AK9: variants seen among roughly 807,000 people sequenced by gnomAD.
AK9 encodes adenylate kinase domain containing 1.
AK9 carries 191 observed loss-of-function variants against 239.6 expected under a neutral mutation model. The ratio of observed to expected loss-of-function variants is 0.80; its 90% CI spans 0.71 to 0.90. AK9 has a LOEUF of 0.90. AK9 is among the 40% of genes least tolerant of loss of function. The pLI is 0.00. For synonymous variants in AK9, 689 were observed against 721.0 expected, an observed-to-expected ratio of 0.96 and a Z score of 0.71; for missense variants, 1,995 against 2,214.7, an observed-to-expected ratio of 0.90 and a Z score of 1.99.
intron 8 of AK9, among the ~76,000 whole-genome samples, chr6:109,645,159 T>C (rs1277213321): frequency 3.3e-5 from 5 of 152,168 alleles, no homozygotes; most frequent in Non-Finnish European, 7.3e-5. Flanking sequence ...AGATGGGTGA[T>C]TTCTGCATTT....
At chr6:109,497,708 C>A (rs1027339058) in intron 37 of AK9, 88 bp downstream of exon 37, 3 of 1,487,936 alleles carry the variant, frequency 2.0e-6, no homozygotes, top group Admixed American at 2.1e-5. Context: ...CAACAGCGAA[C>A]TTTTGACCAA....
chr6:109,647,958 T>A (rs1798313550), intron 8 of AK9, among the ~76,000 whole-genome samples: 2 of 151,986 alleles, frequency 1.3e-5, no homozygotes, highest in African/African-American at 4.8e-5. Flanking sequence ...CTCAACTACA[T>A]GGAAACTGAA....
intron 20 of AK9, 39 bp downstream of exon 20, chr6:109,579,511 T>C: frequency 2.6e-6 from 4 of 1,520,776 alleles, no homozygotes; most frequent in Non-Finnish European, 3.6e-6. Flanking sequence ...GCAGTAACAA[T>C]ACCATGACAC....
chr6:109,545,826 C>G (rs1171388230), intron 26 of AK9, 41 bp downstream of exon 26: 1 of 1,561,224 alleles, frequency 6.4e-7, no homozygotes, highest in African/African-American at 1.4e-5. Context: ...ATAACAACAG[C>G]AAAAACAAAA....
chr6:109,585,373 G>A (rs1316699470), intron 18 of AK9, 136 bp from the exon 19 acceptor site: 2 of 301,202 alleles, frequency 6.6e-6, no homozygotes, highest in Middle Eastern at 1.6e-3. Context: ...TCTAAATAGA[G>A]CCCAGATTCT....
chr6:109,504,092 G>T (rs368662228), intron 35 of AK9, among the ~76,000 whole-genome samples: 1 of 152,210 alleles, frequency 6.6e-6, no homozygotes, highest in Non-Finnish European at 1.5e-5. Context: ...AGTGGCTCAC[G>T]CCTATAAACT....
intron 35 of AK9, among the ~76,000 whole-genome samples, chr6:109,501,798 A>G (rs980082310): frequency 6.6e-6 from 1 of 152,242 alleles, no homozygotes; most frequent in Non-Finnish European, 1.5e-5. Flanking sequence ...TGACCATATC[A>G]TTAGGTTCTG....
At chr6:109,637,240 G>T (rs1260929043) in intron 10 of AK9, among the ~76,000 whole-genome samples, 1 of 152,034 alleles carries the variant, frequency 6.6e-6, no homozygotes, top group Non-Finnish European at 1.5e-5. Context: ...TTTTGAACTG[G>T]ATTTTTTTAC....
chr6:109,563,583 T>C lies in AK9; in HGVS notation c.2751+14A>G, dbSNP rs937249945. The C allele has an allele frequency of 3.9e-6, 6 of 1,548,940 alleles. No homozygotes were observed. Among genetic ancestry groups the C allele is most frequent in the Non-Finnish European group, 5.2e-6 (6 of 1,146,586 alleles). On this transcript the variant is annotated intron_variant, in intron 24 of 40. Transcript: ENST00000424296. Reference sequence around the variant, plus strand: ...CTTCACAAATGAGAATGAGTAGAAATAAAAGAATCATGCCTCTTCCTCTTC... The same window carrying C: ...CTTCACAAATGAGAATGAGTAGAAACAAAAGAATCATGCCTCTTCCTCTTC...
At chr6:109,499,661 G>T (rs1046237686) in intron 35 of AK9, among the ~76,000 whole-genome samples, 4 of 151,834 alleles carry the variant, frequency 2.6e-5, no homozygotes, top group Non-Finnish European at 5.9e-5. Context: ...GTGCAGTGGC[G>T]TAGCTCGATC....
intron 21 of AK9, among the ~76,000 whole-genome samples, chr6:109,570,802 G>A (rs1236796922): frequency 1.3e-5 from 2 of 152,182 alleles, no homozygotes; most frequent in African/African-American, 2.4e-5. Flanking sequence ...GGCATTTTGA[G>A]CTAGACAAAG....
rs563063505 is a variant in AK9, at chr6:109,498,015, T to C, written c.5047-50A>G. On this transcript the variant is annotated intron_variant, in intron 36 of 40. Coordinates refer to ENST00000424296, the MANE Select transcript of AK9 (RefSeq NM_001145128.3). The stretch of plus-strand genomic sequence containing the variant: ...AACATGATTTAAACCAGAAATGCTA[T>C]GCCAATCAGAAGGCCACCGAGGCTC... 1.4e-5 allele frequency: 23 copies of C among 1,595,306 alleles called. No individual in the cohort carries two copies. In the African/African-American group the frequency reaches 1.9e-4, roughly 13 times the overall value.
At chr6:109,573,630 T>A in intron 20 of AK9, 36 bp from the exon 21 acceptor site, 1 of 1,518,398 alleles carries the variant, frequency 6.6e-7, no homozygotes, top group Non-Finnish European at 8.9e-7. Context: ...ATCATTTGGT[T>A]GAAGTCAACA....
chr6:109,690,182 C>G (rs536750862), intron 1 of AK9, among the ~76,000 whole-genome samples: 1 of 152,144 alleles, frequency 6.6e-6, no homozygotes, highest in African/African-American at 2.4e-5. Flanking sequence ...GCAGAGGTTT[C>G]TGAGGTTTAG....
chr6:109,503,967 T>A (rs1777851957), intron 35 of AK9, among the ~76,000 whole-genome samples: 1 of 152,166 alleles, frequency 6.6e-6, no homozygotes, highest in African/African-American at 2.4e-5. Context: ...GGGCTTCTGT[T>A]CCCACCACAC....
At position 109,550,302 on chromosome 6, in the gene AK9, C is replaced by CGTTGA; in HGVS notation, c.2752-1_2752insTCAAC (p.Gly918SerfsTer7). On this transcript the variant is annotated frameshift_variant and splice_region_variant. Transcript: ENST00000424296. LOFTEE classifies it high-confidence loss of function. Reference sequence around the variant, plus strand: ...TTTCTCTCCTTCATTTTATCTTCACCCTAGAAACGGTATTCAAAGTTTGGA... The same window carrying CGTTGA: ...TTTCTCTCCTTCATTTTATCTTCACCGTTGACTAGAAACGGTATTCAAAGTTTGGA... 2 of 1,604,104 alleles carry CGTTGA rather than the reference C, an allele frequency of 1.2e-6. No individual in the cohort carries two copies. Among genetic ancestry groups the CGTTGA allele is most frequent in the Non-Finnish European group, 1.7e-6 (2 of 1,178,576 alleles).
chr6:109,566,709 G>C (rs1294822937), intron 21 of AK9, among the ~76,000 whole-genome samples: 1 of 152,106 alleles, frequency 6.6e-6, no homozygotes, highest in Non-Finnish European at 1.5e-5. Context: ...GGACACTGGA[G>C]ACTCAGAAGG....
intron 1 of AK9, among the ~76,000 whole-genome samples, chr6:109,676,622 T>C (rs1462493338): frequency 1.3e-5 from 2 of 152,128 alleles, no homozygotes; most frequent in Non-Finnish European, 2.9e-5. Context: ...TAAAAATCCC[T>C]AATTGTTGAA....
chr6:109,534,997 G>A (rs1781787597), intron 27 of AK9, among the ~76,000 whole-genome samples: 2 of 152,104 alleles, frequency 1.3e-5, no homozygotes, highest in African/African-American at 4.8e-5. Flanking sequence ...TCTTAATCCA[G>A]TCTATCATTG....
Sources: gnomAD v4.1 joint callset for allele counts (sites outside exome capture counted in the v4.1 genomes callset) on GRCh38, gnomAD v4.1.1 for gene constraint, MANE v1.5 for transcripts, NCBI Gene and HGNC (gene_info 2026-07-23, HGNC 2026-07-21) for gene names.